Variants in CEP295 observed in about 807,000 individuals in gnomAD.
CEP295 encodes the protein centrosomal protein of 295 kDa.
Under a neutral mutation model 291.6 loss-of-function variants are expected in CEP295, and 190 were observed. The ratio of observed to expected loss-of-function variants is 0.65; its 90% CI spans 0.58 to 0.73. The LOEUF is 0.73. Among genes scored for constraint, CEP295 ranks in the 30% least tolerant of loss-of-function variants. The pLI is 0.00. For missense variants in CEP295, 2,863 were observed against 2,949.4 expected, an observed-to-expected ratio of 0.97 and a Z score of 0.68; for synonymous variants, 993 against 1,038.8, an observed-to-expected ratio of 0.96 and a Z score of 0.85.
chr11:93,689,781 A>G (rs989346480), intron 10 of CEP295, among the ~76,000 whole-genome samples: 3 of 152,204 alleles, frequency 2.0e-5, no homozygotes, highest in Non-Finnish European at 4.4e-5. Flanking sequence ...GTACATTGCT[A>G]TGTCCCCAGA....
intron 18 of CEP295, among the ~76,000 whole-genome samples, chr11:93,719,969 A>G (rs1041160512): frequency 6.6e-6 from 1 of 152,144 alleles, no homozygotes; most frequent in African/African-American, 2.4e-5. Context: ...TGAGACACAA[A>G]GTATAATTTT....
chr11:93,710,266 A>C (rs1185081672), intron 18 of CEP295, among the ~76,000 whole-genome samples: 3 of 152,078 alleles, frequency 2.0e-5, no homozygotes, highest in Non-Finnish European at 4.4e-5. Context: ...CTAGCTGTGG[A>C]TCTGTCATAT....
At chr11:93,723,016 T>C (rs547919317) in intron 20 of CEP295, 25 bp from the exon 21 acceptor site, 1 of 1,544,898 alleles carries the variant, frequency 6.5e-7, no homozygotes, top group South Asian at 1.2e-5. Context: ...CCTATTTACA[T>C]ATTTTCATTA....
chr11:93,718,980 C>T (rs1953475067), intron 18 of CEP295, among the ~76,000 whole-genome samples: 1 of 152,094 alleles, frequency 6.6e-6, no homozygotes, highest in African/African-American at 2.4e-5. Context: ...TGGTGGTGCG[C>T]ACCTGTAGTC....
At chr11:93,684,562 A>G (rs1951132581) in intron 9 of CEP295, among the ~76,000 whole-genome samples, 1 of 152,168 alleles carries the variant, frequency 6.6e-6, no homozygotes, top group African/African-American at 2.4e-5. Context: ...CCCCTGTCCC[A>G]TCCCGTGGAA....
chr11:93,702,582 G>A lies in CEP295; in HGVS notation c.5397G>A (p.Arg1799=). 1 of 1,550,998 alleles carries A rather than the reference G, an allele frequency of 6.4e-7. No individual in the cohort carries two copies. Among genetic ancestry groups the A allele is most frequent in the East Asian group, 2.4e-5 (1 of 40,894 alleles). Reference sequence around the variant, plus strand: ...AAGAAAATATTAGGCATGCAGATAGGAACAACTCTGATGATAATCATTTGG... The same window carrying A: ...AAGAAAATATTAGGCATGCAGATAGAAACAACTCTGATGATAATCATTTGG... ...NDQENIRHAD[R]NNSDDNHLAS... Residue 1799 remains arginine, a synonymous_variant, in exon 16 of 30, where the codon AGG becomes AGA. Transcript: ENST00000325212.
chr11:93,696,685 A>G lies in CEP295; in HGVS notation c.1773A>G (p.Leu591=). 6.5e-7 allele frequency: 1 copy of G among 1,540,854 alleles called. No homozygotes were observed. The highest frequency in any genetic ancestry group is 8.8e-7 in the Non-Finnish European group (1 of 1,142,120). ...YQHQLLQQNR[L]HRQSVETARK... ...TGTTTGCTTTTGTTTTTGGTAGGTT[A>G]CACAGGCAGTCTGTTGAAACAGCCA... Residue 591 remains leucine, a synonymous_variant, in exon 15 of 30, where the codon TTA becomes TTG. Transcript: ENST00000325212.
chr11:93,722,958 TCGGCCTCC>T, intron 20 of CEP295, 75 bp from the exon 21 acceptor site: 2 of 1,108,550 alleles, frequency 1.8e-6, no homozygotes, highest in Non-Finnish European at 2.5e-6. Flanking sequence ...TCCACCCACC[TCGGCCTCC>T]CAAAGTGCTG....
intron 17 of CEP295, among the ~76,000 whole-genome samples, chr11:93,706,124 T>C (rs1336201820): frequency 4.6e-5 from 7 of 152,206 alleles, no homozygotes; most frequent in Admixed American, 4.6e-4. Context: ...GGGGATGATG[T>C]TGATGGACAG....
In CEP295 at chr11:93,666,715, G is replaced by A; in HGVS notation, c.8G>A (p.Arg3Lys). 1 of 1,521,392 alleles carries A rather than the reference G, an allele frequency of 6.6e-7. No homozygotes were observed. The highest frequency in any genetic ancestry group is 1.2e-5 in the South Asian group (1 of 82,384). 94.2% of individuals were successfully genotyped at this position (1,521,392 alleles called of 1,614,324 possible). ...TACATAAAGTACACAGAAATGAAGA[G>A]AAAAGTCGTGAATACTCACAAGCTG... is the stretch of plus-strand genomic sequence containing the variant. MK[R>K]KVVNTHKLRL... The change falls in exon 2 of 30, where the codon AGA becomes AAA. Residue 3 changes from arginine (R) to lysine (K), a missense_variant. Transcript: ENST00000325212.
chr11:93,710,723 C>T (rs1952836687), intron 18 of CEP295, among the ~76,000 whole-genome samples: 3 of 152,150 alleles, frequency 2.0e-5, no homozygotes, highest in African/African-American at 2.4e-5. Context: ...TAAAATTCAG[C>T]AGTGAAGCGA....
chr11:93,666,841 T>A, intron 2 of CEP295, 26 bp downstream of exon 2: 1 of 1,208,864 alleles, frequency 8.3e-7, no homozygotes, highest in Non-Finnish European at 1.2e-6. Context: ...AATAAAGTTT[T>A]AAATTCCTTT....
At chr11:93,672,400 C>T (rs1353941189) in intron 5 of CEP295, among the ~76,000 whole-genome samples, 3 of 151,982 alleles carry the variant, frequency 2.0e-5, no homozygotes, top group Admixed American at 2.0e-4. Context: ...TGTTTTACTT[C>T]TTCCCTTGCT....
intron 19 of CEP295, 70 bp from the exon 20 acceptor site, chr11:93,721,884 G>T: frequency 1.0e-6 from 1 of 981,216 alleles, no homozygotes; most frequent in South Asian, 1.3e-5. Context: ...CAACTGCTGG[G>T]GTTGGTGATT....
intron 7 of CEP295, among the ~76,000 whole-genome samples, chr11:93,680,501 T>A (rs1001252182): frequency 6.6e-6 from 1 of 152,012 alleles, no homozygotes; most frequent in African/African-American, 2.4e-5. Context: ...ATACAGTCAG[T>A]CCCAGTTTGG....
At chr11:93,729,169 TAAG>T (rs895888199) in intron 25 of CEP295, 54 of 513,700 alleles carry the variant, frequency 1.1e-4, no homozygotes, top group African/African-American at 8.7e-4. Flanking sequence ...AGGGAGGCAA[TAAG>T]AATAAAGCTA....
chr11:93,685,471 T>C (rs1252122697), intron 9 of CEP295, among the ~76,000 whole-genome samples: 1 of 152,218 alleles, frequency 6.6e-6, no homozygotes, highest in Non-Finnish European at 1.5e-5. Context: ...GCTCTAGGCC[T>C]TATTCATGTC....
rs973982429 is a variant in CEP295 at position 93,699,920 on chromosome 11, G to A, written c.5008G>A (p.Glu1670Lys). 5.8e-6 allele frequency: 9 copies of A among 1,551,636 alleles called. No individual in the cohort carries two copies. In the Admixed American group the frequency reaches 1.4e-4, roughly 24 times the overall value. Residue 1670 changes from glutamate to lysine, a missense_variant, in exon 15 of 30, where the codon GAA (glutamate) becomes AAA (lysine). This residue lies in a region of CEP295 where 2,295 missense variants were observed against 2,335.7 expected (regional missense o/e 0.98). Coordinates refer to ENST00000325212, the MANE Select transcript of CEP295 (RefSeq NM_033395.2). ...AGAAGCTAAACCTAAAAGCACTTGTGAATTGTATTCATCCCAGAATGAACA... is the reference window on the plus strand; with the variant it reads ...AGAAGCTAAACCTAAAAGCACTTGTAAATTGTATTCATCCCAGAATGAACA... The part of the protein sequence containing the change: ...FAEAKPKSTC[E>K]LYSSQNEHAA...
Position 93,697,071 on chromosome 11 carries a change from A to G in CEP295, c.2159A>G (p.Gln720Arg), listed in dbSNP as rs1347292923. 1 of 1,551,666 alleles carries G rather than the reference A, an allele frequency of 6.4e-7. No homozygotes were observed. Among genetic ancestry groups the G allele is most frequent in the East Asian group, 2.4e-5 (1 of 40,924 alleles). The change falls in exon 15 of 30, where the codon CAG becomes CGG. Residue 720 changes from glutamine to arginine, a missense_variant. By Grantham distance (43) the Gln-to-Arg change is conservative. Transcript: ENST00000325212. ...CAATTCTCTCAGACTGAAACACAAC[A>G]GAGAGACTATAAATTGGTCCCCAAA... ...LRQFSQTETQQRDYKLVPKDS... is the reference protein window; with the variant it reads ...LRQFSQTETQRRDYKLVPKDS...
Sources: gnomAD v4.1 joint callset for allele counts (sites outside exome capture counted in the v4.1 genomes callset) on GRCh38, gnomAD v4.1.1 for gene constraint, gnomAD v4.1.1 regional missense constraint, MANE v1.5 for transcripts, NCBI Gene and HGNC (gene_info 2026-07-23, HGNC 2026-07-21) for gene names.